Variants in HIVEP3 observed in about 807,000 individuals in gnomAD.
HIVEP3 encodes the protein HIVEP zinc finger 3.
Under a neutral mutation model 152.8 loss-of-function variants are expected in HIVEP3, and 49 were observed. The observed-to-expected ratio is 0.32, with a 90% CI of 0.26 to 0.41. The LOEUF (loss-of-function observed/expected upper bound fraction) is 0.41. Ranked by LOEUF, HIVEP3 falls within the 10% of genes least tolerant of loss-of-function variation. The probability of loss-of-function intolerance (pLI) is 1.00; values close to 1 mark genes in which losing one functional copy is unlikely to be tolerated. For missense variants in HIVEP3, 2,790 were observed against 3,103.3 expected, an observed-to-expected ratio of 0.90 and a Z score of 2.40; for synonymous variants, 1,269 against 1,289.0, an observed-to-expected ratio of 0.98 and a Z score of 0.33.
chr1:41,638,415 T>G (rs563406900), intron 2 of HIVEP3, among the ~76,000 whole-genome samples: 23 of 141,792 alleles, frequency 1.6e-4, no homozygotes, highest in South Asian at 2.3e-4. Context: ...AGGAAGGAAG[T>G]AAGGAAGAAA....
At chr1:41,811,492 T>G (rs2124328112) in intron 1 of HIVEP3, among the ~76,000 whole-genome samples, 1 of 152,146 alleles carries the variant, frequency 6.6e-6, no homozygotes, top group South Asian at 2.1e-4. Flanking sequence ...AAGCATTTTA[T>G]ATGCATTAAT....
chr1:41,944,903 C>G (rs968458608), intron 1 of HIVEP3, among the ~76,000 whole-genome samples: 1 of 152,090 alleles, frequency 6.6e-6, no homozygotes, highest in African/African-American at 2.4e-5. Flanking sequence ...GAACTGGGGC[C>G]AATTTGACCC....
rs768863050 is a variant in HIVEP3 at position 41,581,377 on chromosome 1, G to A, written c.3421C>T (p.Pro1141Ser). The change falls in exon 4 of 9, where the codon CCA becomes TCA. Residue 1141 changes from proline (P) to serine (S), a missense_variant. Transcript: ENST00000372583. This position sits in a 1 kb window ranked among gnomAD's most constrained non-coding sequence, Gnocchi z 4.5. ...TPLHEKPYLP[P>S]PVSLFSFQHL... is the part of the protein sequence containing the mutation. ...TGGAAGGAGAAAAGGGAGACTGGTG[G>A]GGGCAGGTATGGCTTCTCATGCAGG... 3.1e-6 allele frequency: 5 copies of A among 1,612,788 alleles called. No individual in the cohort carries two copies. The South Asian group carries it at 5.5e-5, about 18-fold the overall frequency.
chr1:41,569,972 C>T (rs7519954), intron 5 of HIVEP3, among the ~76,000 whole-genome samples: 1 of 152,076 alleles, frequency 6.6e-6, no homozygotes, highest in East Asian at 1.9e-4. Context: ...CTGCAGTATG[C>T]GCTGTGCTGT....
intron 1 of HIVEP3, among the ~76,000 whole-genome samples, chr1:42,020,518 T>C (rs1264315284): frequency 6.6e-6 from 1 of 152,188 alleles, no homozygotes; most frequent in African/African-American, 2.4e-5. Flanking sequence ...TATCCTCTTA[T>C]TAAGCATACA....
rs879809318 is a variant in HIVEP3, at chr1:41,854,017, G to A, written c.-801+64396C>T. 3.9e-5 allele frequency among the ~76,000 whole-genome samples: 6 copies of A among 152,276 alleles called. No homozygotes were observed. In the South Asian group the frequency reaches 8.3e-4, roughly 21 times the overall value. On this transcript the variant is annotated intron_variant, in intron 1 of 8. Transcript: ENST00000372583. ...GGCACCAGAGAAGCAGAGCGAAGAC[G>A]TGGAAACCATAGAGCCTTACTAAGT...
chr1:41,827,748 G>T (rs539229614), intron 1 of HIVEP3, among the ~76,000 whole-genome samples: 1 of 152,292 alleles, frequency 6.6e-6, no homozygotes, highest in Admixed American at 6.5e-5. Context: ...AGAACATGAA[G>T]AAGATTTTTT....
chr1:41,974,058 G>C (rs1416797867), intron 1 of HIVEP3, among the ~76,000 whole-genome samples: 1 of 152,330 alleles, frequency 6.6e-6, no homozygotes, highest in Middle Eastern at 3.4e-3. Flanking sequence ...AGCTGGCATA[G>C]AGCAGCCTCT....
chr1:41,605,367 G>GCGCA (rs1553235580), intron 3 of HIVEP3, among the ~76,000 whole-genome samples: 1 of 111,734 alleles, frequency 8.9e-6, no homozygotes, highest in Non-Finnish European at 1.7e-5. Context: ...ATACACACAC[G>GCGCA]CACACGCGCA....
intron 2 of HIVEP3, among the ~76,000 whole-genome samples, chr1:41,684,517 A>T (rs1478286014): frequency 1.3e-5 from 2 of 152,230 alleles, no homozygotes; most frequent in Admixed American, 1.3e-4. Flanking sequence ...GAACCTGTGC[A>T]GGCCGAAGGT....
At chr1:41,715,639 T>A (rs986906443) in intron 1 of HIVEP3, among the ~76,000 whole-genome samples, 1 of 150,760 alleles carries the variant, frequency 6.6e-6, no homozygotes, top group African/African-American at 2.4e-5. Context: ...TGAAGGAGAG[T>A]TTTGAAATCA....
intron 1 of HIVEP3, among the ~76,000 whole-genome samples, chr1:41,858,792 A>G (rs1643840700): frequency 6.6e-6 from 1 of 152,232 alleles, no homozygotes; most frequent in Admixed American, 6.5e-5. Flanking sequence ...GAGGGAAGTC[A>G]CGATGGACCA....
At chr1:41,598,247 G>A (rs1644695011) in intron 3 of HIVEP3, among the ~76,000 whole-genome samples, 1 of 152,196 alleles carries the variant, frequency 6.6e-6, no homozygotes, top group Non-Finnish European at 1.5e-5. Flanking sequence ...GCAGTGGCCT[G>A]ATCTCTTGTC....
intron 2 of HIVEP3, among the ~76,000 whole-genome samples, chr1:41,675,631 C>CT (rs1271151114): frequency 6.6e-6 from 1 of 152,178 alleles, no homozygotes; most frequent in Admixed American, 6.5e-5. Flanking sequence ...TTTCTCAATG[C>CT]TGAGCCCTGG....
intron 1 of HIVEP3, among the ~76,000 whole-genome samples, chr1:41,780,484 T>G (rs1648977763): frequency 6.6e-6 from 1 of 152,210 alleles, no homozygotes; most frequent in Non-Finnish European, 1.5e-5. Context: ...TTGGTTGTGC[T>G]GGTTTATTCT....
chr1:41,544,612 CCGCCACCA>C (rs1643618002), intron 5 of HIVEP3, among the ~76,000 whole-genome samples: 1 of 149,956 alleles, frequency 6.7e-6, no homozygotes, highest in African/African-American at 2.5e-5. Context: ...ACCACCATCA[CCGCCACCA>C]CTATCATCGC....
Position 41,695,019 on chromosome 1 carries a change from G to T in HIVEP3, c.-721+5897C>A, listed in dbSNP as rs1430268769. Among the ~76,000 whole-genome samples, 5 of 152,180 alleles carry T rather than the reference G, an allele frequency of 3.3e-5. No homozygotes were observed. The East Asian group carries it at 7.7e-4, about 23-fold the overall frequency. The stretch of plus-strand genomic sequence containing the variant: ...TGCTATACAGAGTCAAAGAGCAAGG[G>T]TCCTGCTGTCACTAAACCAAGACAG... On this transcript the variant is annotated intron_variant, in intron 2 of 8. Transcript: ENST00000372583.
At chr1:41,554,491 A>G (rs1443426253) in intron 5 of HIVEP3, among the ~76,000 whole-genome samples, 3 of 152,326 alleles carry the variant, frequency 2.0e-5, no homozygotes, top group African/African-American at 7.2e-5. Flanking sequence ...TACTTCTGTC[A>G]GCTTGTCAAA....
chr1:41,561,170 A>G (rs1410396912), intron 5 of HIVEP3, among the ~76,000 whole-genome samples: 1 of 152,230 alleles, frequency 6.6e-6, no homozygotes, highest in Non-Finnish European at 1.5e-5. Flanking sequence ...CATCCAAACC[A>G]CATGGCAATC....
Sources: gnomAD v4.1 joint callset for allele counts (sites outside exome capture counted in the v4.1 genomes callset) on GRCh38, gnomAD v4.1.1 for gene constraint, Gnocchi (gnomAD v3.1) non-coding constraint, MANE v1.5 for transcripts, NCBI Gene and HGNC (gene_info 2026-07-23, HGNC 2026-07-21) for gene names.